Variants in WAC observed in about 807,000 individuals in gnomAD.
The protein encoded by WAC is WW domain-containing adapter protein with coiled-coil.
In WAC, 11 loss-of-function variants were observed where a neutral mutation model predicts 79.6. The observed-to-expected ratio is 0.14, with a 90% CI of 0.09 to 0.23. WAC has a LOEUF of 0.23. WAC is among the 10% of genes least tolerant of loss of function. The pLI is 1.00. For synonymous variants in WAC, 304 were observed against 276.9 expected, an observed-to-expected ratio of 1.10 and a Z score of -0.97; for missense variants, 728 against 773.5, an observed-to-expected ratio of 0.94 and a Z score of 0.70.
intron 5 of WAC, 38 bp downstream of exon 5, chr10:28,589,889 A>G (rs942535925): frequency 1.4e-6 from 2 of 1,460,158 alleles, no homozygotes; most frequent in African/African-American, 2.8e-5. Context: ...TTATTTCTCT[A>G]GCTTGGTTCT....
intron 4 of WAC, among the ~76,000 whole-genome samples, chr10:28,586,495 G>A (rs935162187): frequency 6.6e-6 from 1 of 151,494 alleles, no homozygotes; most frequent in African/African-American, 2.4e-5. Flanking sequence ...GGGCAACATA[G>A]TAAGCGCCTG....
At chr10:28,559,130 AACCT>A (rs755263335) in intron 3 of WAC, among the ~76,000 whole-genome samples, 3 of 79,618 alleles carry the variant, frequency 3.8e-5, no homozygotes, top group Non-Finnish European at 6.8e-5. Context: ...GCTCTCGAGA[AACCT>A]GATGTGTGTG....
chr10:28,614,613 C>T lies in WAC; in HGVS notation c.1484C>T (p.Thr495Ile). The T allele has an allele frequency of 5.0e-6, 8 of 1,614,212 alleles. No homozygotes were observed. The highest frequency in any genetic ancestry group is 6.8e-6 in the Non-Finnish European group (8 of 1,180,026). ...CAAGGACCAGTGTCACAGTCAGCCA[C>T]ACAGCAGCCTGTAACTGCTGACAAG... is the stretch of plus-strand genomic sequence containing the variant. ...VKQGPVSQSA[T>I]QQPVTADKQQ... The change falls in exon 11 of 14, where the codon ACA (threonine) becomes ATA (isoleucine). Residue 495 changes from threonine (T) to isoleucine (I), a missense_variant. Physicochemically the swap from Thr to Ile is moderately conservative, Grantham distance 89. Around this residue, in one of 3 missense-constraint regions of WAC, gnomAD observed 648 missense variants for 661.5 expected, o/e 0.98. Coordinates refer to ENST00000354911, the MANE Select transcript of WAC (RefSeq NM_016628.5).
At chr10:28,564,767 T>G (rs1220033161) in intron 3 of WAC, among the ~76,000 whole-genome samples, 1 of 152,240 alleles carries the variant, frequency 6.6e-6, no homozygotes, top group African/African-American at 2.4e-5. Context: ...GGCATCACCT[T>G]GCGTAGCTGT....
At chr10:28,564,678 G>A (rs573428736) in intron 3 of WAC, among the ~76,000 whole-genome samples, 2 of 152,276 alleles carry the variant, frequency 1.3e-5, no homozygotes, top group Non-Finnish European at 2.9e-5. Context: ...TCTATTTTGA[G>A]ATAATTGTAG....
intron 3 of WAC, among the ~76,000 whole-genome samples, chr10:28,543,650 T>C (rs535658694): frequency 2.6e-5 from 4 of 152,372 alleles, no homozygotes; most frequent in South Asian, 2.1e-4. Flanking sequence ...AAAGCAAGAT[T>C]GGAGTTAATG....
chr10:28,558,584 A>G (rs1398385296), intron 3 of WAC, among the ~76,000 whole-genome samples: 1 of 152,026 alleles, frequency 6.6e-6, no homozygotes, highest in Non-Finnish European at 1.5e-5. Flanking sequence ...AAAAAAAATT[A>G]TGTAAGTGAA....
intron 3 of WAC, among the ~76,000 whole-genome samples, chr10:28,541,546 A>T (rs980190681): frequency 2.5e-4 from 37 of 145,288 alleles, no homozygotes; most frequent in African/African-American, 9.2e-4. Flanking sequence ...TTATTTGGTT[A>T]TTTGGGGCTT....
intron 6 of WAC, among the ~76,000 whole-genome samples, chr10:28,592,247 G>A (rs116078490): frequency 0.019 from 2,850 of 152,204 alleles, 100 homozygotes; most frequent in African/African-American, 0.065. Flanking sequence ...AAATGAGACC[G>A]AGGTTTTCCT....
In WAC at chr10:28,568,693, C is replaced by T. The variant is rs1282808919; in HGVS notation, c.275-14706C>T. ...TATCTCCTAATGCTATCCCTCCCCTCTCCCCACACCCCACGACAGGCCCTG... is the reference window on the plus strand; with the variant it reads ...TATCTCCTAATGCTATCCCTCCCCTTTCCCCACACCCCACGACAGGCCCTG... On this transcript the variant is annotated intron_variant, in intron 3 of 13. Coordinates refer to ENST00000354911, the MANE Select transcript of WAC (RefSeq NM_016628.5). Among the ~76,000 whole-genome samples, 4 of 152,154 alleles carry T rather than the reference C, an allele frequency of 2.6e-5. No homozygotes were observed. The South Asian group carries it at 8.3e-4, about 31-fold the overall frequency.
At chr10:28,609,353 A>G (rs555453692) in intron 8 of WAC, among the ~76,000 whole-genome samples, 96 of 152,264 alleles carry the variant, frequency 6.3e-4, no homozygotes, top group Admixed American at 1.4e-3. Flanking sequence ...ACAGAGCAAG[A>G]CCCCATCTCA....
chr10:28,584,292 C>G (rs1839694228), intron 4 of WAC, among the ~76,000 whole-genome samples: 1 of 152,126 alleles, frequency 6.6e-6, no homozygotes, highest in Non-Finnish European at 1.5e-5. Flanking sequence ...TAAAAGAGCT[C>G]TGGACTTCAT....
At chr10:28,551,169 TA>T (rs1351966868) in intron 3 of WAC, among the ~76,000 whole-genome samples, 1 of 152,212 alleles carries the variant, frequency 6.6e-6, no homozygotes, top group Non-Finnish European at 1.5e-5. Flanking sequence ...GAATATTCAG[TA>T]AGCTTTTTGA....
intron 3 of WAC, among the ~76,000 whole-genome samples, chr10:28,544,783 G>T (rs977861328): frequency 1.1e-4 from 16 of 152,026 alleles, no homozygotes; most frequent in Non-Finnish European, 2.9e-5. Context: ...ACAGAAAACG[G>T]CCAGGCGCGG....
At chr10:28,536,368 T>G (rs1836675292) in intron 3 of WAC, among the ~76,000 whole-genome samples, 1 of 152,230 alleles carries the variant, frequency 6.6e-6, no homozygotes, top group African/African-American at 2.4e-5. Context: ...AAAGGAACTT[T>G]GACCTTTTAA....
chr10:28,588,944 A>T (rs1024835706), intron 4 of WAC: 1 of 152,220 alleles, frequency 6.6e-6, no homozygotes, highest in African/African-American at 2.4e-5. Flanking sequence ...AAGGAATTCA[A>T]CCAGGATAGT....
chr10:28,547,986 T>C (rs1041428460), intron 3 of WAC, among the ~76,000 whole-genome samples: 1 of 149,754 alleles, frequency 6.7e-6, no homozygotes, highest in Non-Finnish European at 1.5e-5. Context: ...AGTGGCGCAA[T>C]CTTGGCTCAC....
chr10:28,608,573 T>C, intron 8 of WAC, 142 bp downstream of exon 8: 1 of 941,744 alleles, frequency 1.1e-6, no homozygotes, highest in Non-Finnish European at 1.5e-6. Context: ...TTTTTTGTTT[T>C]TGGAGTTTGG....
chr10:28,589,684 A>C, intron 4 of WAC, 52 bp from the exon 5 acceptor site: 1 of 1,201,110 alleles, frequency 8.3e-7, no homozygotes, highest in Middle Eastern at 2.1e-4. Flanking sequence ...TTGATATTTC[A>C]TGTGATTAAA....
Sources: gnomAD v4.1 joint callset for allele counts (sites outside exome capture counted in the v4.1 genomes callset) on GRCh38, gnomAD v4.1.1 for gene constraint, gnomAD v4.1.1 regional missense constraint, MANE v1.5 for transcripts, NCBI Gene and HGNC (gene_info 2026-07-23, HGNC 2026-07-21) for gene names.